NSL1: variants seen among roughly 807,000 people sequenced by gnomAD.
The protein encoded by NSL1 is kinetochore-associated protein NSL1 homolog.
Under a neutral mutation model 25.4 loss-of-function variants are expected in NSL1, and 11 were observed. That is an observed-to-expected ratio of 0.43 (90% CI 0.27 to 0.72). NSL1 has a LOEUF of 0.72. Ranked by LOEUF, NSL1 falls within the 30% of genes least tolerant of loss-of-function variation. The pLI, the probability that NSL1 is intolerant of heterozygous loss-of-function variation, is 0.19. For missense variants in NSL1, 330 were observed against 342.7 expected (o/e 0.96, Z 0.29); for synonymous variants, 118 against 120.6 (o/e 0.98, Z 0.14).
Position 212,730,620 on chromosome 1 carries a change from A to G in NSL1, c.*7788T>C. ...GGCCACCCAGAAGTCAGGGGATGTG[A>G]CCAAAGGAAAAGGTGATCAGAAGGC... On this transcript the variant is annotated 3_prime_UTR_variant, in exon 6 of 6. Coordinates refer to ENST00000366977, the MANE Select transcript of NSL1 (RefSeq NM_015471.4). 1 of 985,370 alleles carries G rather than the reference A, an allele frequency of 1.0e-6. No homozygotes were observed. Among genetic ancestry groups the G allele is most frequent in the Non-Finnish European group, 1.2e-6 (1 of 829,910 alleles). The allele number at this position is 985,370 out of a possible 1,614,324, so 61.0% of individuals were successfully genotyped here.
intron 4 of NSL1, among the ~76,000 whole-genome samples, chr1:212,740,952 C>T (rs2102430404): frequency 6.6e-6 from 1 of 152,178 alleles, no homozygotes; most frequent in South Asian, 2.1e-4. Flanking sequence ...ATATCTGTAG[C>T]TTTAAGTAAC....
At chr1:212,739,849 G>C (rs1457081732) in intron 4 of NSL1, among the ~76,000 whole-genome samples, 1 of 152,158 alleles carries the variant, frequency 6.6e-6, no homozygotes, top group Non-Finnish European at 1.5e-5. Flanking sequence ...CCCTAAAAGA[G>C]AGTTCAATGT....
intron 4 of NSL1, among the ~76,000 whole-genome samples, chr1:212,779,275 G>A (rs1249394409): frequency 1.4e-5 from 2 of 148,012 alleles, no homozygotes; most frequent in East Asian, 2.0e-4. Context: ...GCCCCGTCTC[G>A]GAGGGAGGTG....
Position 212,760,666 on chromosome 1 carries a change from C to T in NSL1, c.500-21065G>A, listed in dbSNP as rs566904162. 3.5e-3 allele frequency among the ~76,000 whole-genome samples: 534 copies of T among 152,174 alleles called. 7 individuals are homozygous for T. Among genetic ancestry groups the T allele is most frequent in the African/African-American group, 0.012 (502 of 41,516 alleles). On this transcript the variant is annotated intron_variant, in intron 4 of 5. Coordinates refer to ENST00000366977, the MANE Select transcript of NSL1 (RefSeq NM_015471.4). This position sits in a 1 kb window ranked among gnomAD's most constrained non-coding sequence, Gnocchi z 4.3. ...CTGCCTGGGGGCCTGACGGTTGACC[C>T]GCCACTGCTACTGCCATCACCAACA...
Position 212,731,987 on chromosome 1 carries a change from T to C in NSL1, c.*6421A>G, listed in dbSNP as rs1658034985. 1 of 985,170 alleles carries C rather than the reference T, an allele frequency of 1.0e-6. No individual in the cohort carries two copies. The highest frequency in any genetic ancestry group is 1.2e-6 in the Non-Finnish European group (1 of 829,922). 61.0% of individuals were successfully genotyped at this position (985,170 alleles called of 1,614,324 possible). On this transcript the variant is annotated 3_prime_UTR_variant, in exon 6 of 6. Transcript: ENST00000366977. The stretch of plus-strand genomic sequence containing the variant: ...TGTTCAGTGCCTGTGCTGTACTAAT[T>C]GCTAATTCCCATCCTTTAGCCTCCC...
In NSL1 at chr1:212,728,678, T is replaced by C. The variant is rs1192623890; in HGVS notation, c.*9730A>G. On this transcript the variant is annotated 3_prime_UTR_variant, in exon 6 of 6. Coordinates refer to ENST00000366977, the MANE Select transcript of NSL1 (RefSeq NM_015471.4). ...CACAGGCTTATCTGCACATCACTTA[T>C]ACCATTTGGTGAGATCTCTGGAGAA... The C allele has an allele frequency of 4.1e-6, 4 of 985,474 alleles. No individual in the cohort carries two copies. The highest frequency in any genetic ancestry group is 5.2e-4 in the Middle Eastern group (1 of 1,914). The allele number at this position is 985,474 out of a possible 1,614,324, so 61.0% of individuals were successfully genotyped here. A position where few individuals can be genotyped will look rare whatever the true frequency, so the allele number is the denominator to read the frequency against.
intron 4 of NSL1, among the ~76,000 whole-genome samples, chr1:212,750,621 G>C (rs1287096831): frequency 6.6e-6 from 1 of 152,100 alleles, no homozygotes; most frequent in Admixed American, 6.6e-5. Flanking sequence ...TTACAGTTCT[G>C]TTAGACACAA....
chr1:212,728,755 T>C lies in NSL1; in HGVS notation c.*9653A>G. 1 of 985,424 alleles carries C rather than the reference T, an allele frequency of 1.0e-6. No individual in the cohort carries two copies. The allele number at this position is 985,424 out of a possible 1,614,324, so 61.0% of individuals were successfully genotyped here. A position where few individuals can be genotyped will look rare whatever the true frequency, so the allele number is the denominator to read the frequency against. ...GGATAAACCTGATCACCGTCCCCTTTGTTGCCACATCTCGCAGCTTCTCCC... is the reference window on the plus strand; with the variant it reads ...GGATAAACCTGATCACCGTCCCCTTCGTTGCCACATCTCGCAGCTTCTCCC... On this transcript the variant is annotated 3_prime_UTR_variant, in exon 6 of 6. Transcript: ENST00000366977.
chr1:212,785,088 G>C (rs1571923454), intron 2 of NSL1, among the ~76,000 whole-genome samples: 1 of 152,176 alleles, frequency 6.6e-6, no homozygotes, highest in Non-Finnish European at 1.5e-5. Flanking sequence ...AGGCTGTAAA[G>C]GGTATTTAAT....
At chr1:212,786,544 AG>A (rs999171307) in intron 2 of NSL1, among the ~76,000 whole-genome samples, 7 of 152,248 alleles carry the variant, frequency 4.6e-5, no homozygotes, top group African/African-American at 1.4e-4. Flanking sequence ...AGCCAGGCAC[AG>A]GCCTGTAATC....
chr1:212,762,306 C>CAAAAAAAAAAAAAAAAAA (rs71147025), intron 4 of NSL1, among the ~76,000 whole-genome samples: 1 of 114,638 alleles, frequency 8.7e-6, no homozygotes. Context: ...TTAAAAGAAA[C>CAAAAAAAAAAAAAAAAAA]AAAAAAAAAA....
chr1:212,753,556 A>C (rs919588088), intron 4 of NSL1, among the ~76,000 whole-genome samples: 1 of 152,122 alleles, frequency 6.6e-6, no homozygotes, highest in African/African-American at 2.4e-5. Flanking sequence ...TCCCACTAAA[A>C]TATAAACTCT....
At chr1:212,782,288 G>T in intron 4 of NSL1, 84 bp downstream of exon 4, 2 of 938,676 alleles carry the variant, frequency 2.1e-6, no homozygotes, top group Non-Finnish European at 1.8e-6. Flanking sequence ...TATCCTTGAT[G>T]CTGACCCTTT....
At position 212,728,994 on chromosome 1, in the gene NSL1, T is replaced by C. The variant is rs918214208; in HGVS notation, c.*9414A>G. ...TGAGGAGTAATTTTAGTAAGGAGGA[T>C]TTCTAAAGAAGCAGTCATTTGTCAA... On this transcript the variant is annotated 3_prime_UTR_variant, in exon 6 of 6. Transcript: ENST00000366977. 9.1e-6 allele frequency: 9 copies of C among 985,212 alleles called. No individual in the cohort carries two copies. The highest frequency in any genetic ancestry group is 1.1e-5 in the Non-Finnish European group (9 of 829,890). The allele number at this position is 985,212 out of a possible 1,614,324, so 61.0% of individuals were successfully genotyped here. A position where few individuals can be genotyped will look rare whatever the true frequency, so the allele number is the denominator to read the frequency against.
chr1:212,775,867 G>A (rs1175084349), intron 4 of NSL1, among the ~76,000 whole-genome samples: 3 of 151,378 alleles, frequency 2.0e-5, no homozygotes, highest in South Asian at 2.1e-4. Context: ...TCACTCTGTC[G>A]CCCAGGCTGG....
chr1:212,763,696 A>G (rs2102456733), intron 4 of NSL1, among the ~76,000 whole-genome samples: 1 of 152,376 alleles, frequency 6.6e-6, no homozygotes, highest in Non-Finnish European at 1.5e-5. Flanking sequence ...AGGATGTTAT[A>G]CAATGATAAA....
In NSL1 at chr1:212,733,579, T is replaced by C. The variant is rs1277990200; in HGVS notation, c.*4829A>G. ...TTCTGGACAGTTCATTTACATGGAG[T>C]CTACAAAATTCAGCAGTCTTTTGTG... On this transcript the variant is annotated 3_prime_UTR_variant, in exon 6 of 6. Transcript: ENST00000366977. 6.6e-6 allele frequency among the ~76,000 whole-genome samples: 1 copy of C among 152,136 alleles called. No homozygotes were observed. The highest frequency in any genetic ancestry group is 6.6e-5 in the Admixed American group (1 of 15,266).
chr1:212,734,239 C>G lies in NSL1; in HGVS notation c.*4169G>C, dbSNP rs1301859726. ...TCTCTTTGGTTTTTGTTTTAATTCA[C>G]TCAGTTAACCACTATGCATCGAGGG... is the stretch of plus-strand genomic sequence containing the variant. On this transcript the variant is annotated 3_prime_UTR_variant, in exon 6 of 6. Coordinates refer to ENST00000366977, the MANE Select transcript of NSL1 (RefSeq NM_015471.4). Among the ~76,000 whole-genome samples, 1 of 152,084 alleles carries G rather than the reference C, an allele frequency of 6.6e-6. No homozygotes were observed. The highest frequency in any genetic ancestry group is 6.6e-5 in the Admixed American group (1 of 15,262).
intron 4 of NSL1, among the ~76,000 whole-genome samples, chr1:212,759,938 G>A (rs182033011): frequency 2.7e-4 from 41 of 152,256 alleles, no homozygotes; most frequent in Admixed American, 1.4e-3. Flanking sequence ...AGGCTACTGC[G>A]CACTGGCATG....
Sources: gnomAD v4.1 joint callset for allele counts (sites outside exome capture counted in the v4.1 genomes callset) on GRCh38, gnomAD v4.1.1 for gene constraint, Gnocchi (gnomAD v3.1) non-coding constraint, MANE v1.5 for transcripts, NCBI Gene and HGNC (gene_info 2026-07-23, HGNC 2026-07-21) for gene names.